NECAB2: variants seen among roughly 807,000 people sequenced by gnomAD.
NECAB2 encodes the protein N-terminal EF-hand calcium binding protein 2.
In NECAB2, 68 loss-of-function variants were observed where a neutral mutation model predicts 51.9. The ratio of observed to expected loss-of-function variants is 1.31; its 90% CI spans 1.08 to 1.60. The LOEUF (loss-of-function observed/expected upper bound fraction) is 1.60. Among genes scored for constraint, NECAB2 ranks in the 40% most tolerant of loss-of-function variants. The probability of loss-of-function intolerance (pLI) is 0.00; values close to 1 mark genes in which losing one functional copy is unlikely to be tolerated. For missense variants in NECAB2, 854 were observed against 490.3 expected (o/e 1.74, Z -7.00); for synonymous variants, 329 against 203.5 (o/e 1.62, Z -5.25).
At chr16:83,999,904 C>G (rs1055874701) in intron 10 of NECAB2, among the ~76,000 whole-genome samples, 7 of 135,652 alleles carry the variant, frequency 5.2e-5, no homozygotes, top group African/African-American at 2.3e-4. Context: ...TTTTTGAGAC[C>G]AAATCTTGCT....
At chr16:83,980,462 A>C (rs9925420) in intron 3 of NECAB2, among the ~76,000 whole-genome samples, 43,454 of 151,820 alleles carry the variant, frequency 0.29, 11,170 homozygotes, top group African/African-American at 0.7. Flanking sequence ...GGCAGGGTCG[A>C]CTGGGGGTGG....
Position 83,994,329 on chromosome 16 carries a change from C to G in NECAB2, c.624C>G (p.Ser208Arg), listed in dbSNP as rs376260533. 6.8e-6 allele frequency: 11 copies of G among 1,614,100 alleles called. No individual in the cohort carries two copies. The African/African-American group carries it at 1.2e-4, about 18-fold the overall frequency. Reference protein sequence around the residue: ...LRQNHIKPSHSAAQTWCGSPT... With the variant: ...LRQNHIKPSHRAAQTWCGSPT... ...AGAACCACATCAAACCCAGCCACAG[C>G]GCGGCACAGACCTGGTGTGGAAGCC... Residue 208 changes from serine (S) to arginine (R), a missense_variant, in exon 7 of 13, where the codon AGC (serine) becomes AGG (arginine). Physicochemically the swap from Ser to Arg is moderately radical, Grantham distance 110. Coordinates refer to ENST00000305202, the MANE Select transcript of NECAB2 (RefSeq NM_019065.3).
At chr16:83,977,708 A>G (rs953455119) in intron 2 of NECAB2, among the ~76,000 whole-genome samples, 2 of 152,144 alleles carry the variant, frequency 1.3e-5, no homozygotes, top group Middle Eastern at 3.2e-3. Flanking sequence ...AGATGGCTGC[A>G]TCTGTGGCCT....
At chr16:83,976,915 C>G (rs1019326474) in intron 2 of NECAB2, among the ~76,000 whole-genome samples, 1 of 152,242 alleles carries the variant, frequency 6.6e-6, no homozygotes, top group East Asian at 1.9e-4. Context: ...AGCACTGGAG[C>G]CTTTAAAGTT....
At chr16:83,989,772 G>C (rs1344001930) in intron 5 of NECAB2, among the ~76,000 whole-genome samples, 2 of 152,214 alleles carry the variant, frequency 1.3e-5, no homozygotes, top group African/African-American at 4.8e-5. Context: ...TCTCAGGACA[G>C]AGGTGGAAAT....
In NECAB2 at chr16:83,996,624, G is replaced by C. The variant is rs535669931; in HGVS notation, c.796-592G>C. 3.3e-5 allele frequency among the ~76,000 whole-genome samples: 5 copies of C among 152,220 alleles called. No homozygotes were observed. The East Asian group carries it at 9.7e-4, about 29-fold the overall frequency. ...GTAGACACACTGGGTTCAGACCCACGCTCTGACACTTACATGGCTTTCGTG... is the reference window on the plus strand; with the variant it reads ...GTAGACACACTGGGTTCAGACCCACCCTCTGACACTTACATGGCTTTCGTG... On this transcript the variant is annotated intron_variant, in intron 8 of 12. Transcript: ENST00000305202.
At chr16:83,990,187 C>A (rs1055214630) in intron 5 of NECAB2, among the ~76,000 whole-genome samples, 6 of 152,196 alleles carry the variant, frequency 3.9e-5, no homozygotes, top group Non-Finnish European at 5.9e-5. Flanking sequence ...ATTGTACACG[C>A]ATGTTGCTGT....
At chr16:83,989,381 CCCT>C (rs1485220097) in intron 5 of NECAB2, among the ~76,000 whole-genome samples, 1 of 152,188 alleles carries the variant, frequency 6.6e-6, no homozygotes, top group Non-Finnish European at 1.5e-5. Flanking sequence ...TCTCATGTGC[CCCT>C]CCTCCTCCTC....
At position 84,002,409 on chromosome 16, in the gene NECAB2, T is replaced by C; in HGVS notation, c.*63T>C. The stretch of plus-strand genomic sequence containing the variant: ...CTTCTTCTTGTGAAGGAAATCCCGT[T>C]TTTTTCTAGACAGACACTTTGGTGC... On this transcript the variant is annotated 3_prime_UTR_variant, in exon 13 of 13. Coordinates refer to ENST00000305202, the MANE Select transcript of NECAB2 (RefSeq NM_019065.3). 1.4e-6 allele frequency: 2 copies of C among 1,462,230 alleles called. No homozygotes were observed. The highest frequency in any genetic ancestry group is 2.4e-5 in the South Asian group (2 of 83,922). 90.6% of individuals were successfully genotyped at this position (1,462,230 alleles called of 1,614,324 possible). A position where few individuals can be genotyped will look rare whatever the true frequency, so the allele number is the denominator to read the frequency against.
At position 83,969,377 on chromosome 16, in the gene NECAB2, T is replaced by A. The variant is rs550095371; in HGVS notation, c.201+528T>A. ...GCCCCAGCTACTGCCACTTTAAAAG[T>A]GAAGCCCCCTCCCCACCTTCTGTCT... On this transcript the variant is annotated intron_variant, in intron 1 of 12. Coordinates refer to ENST00000305202, the MANE Select transcript of NECAB2 (RefSeq NM_019065.3). 2.0e-5 allele frequency among the ~76,000 whole-genome samples: 3 copies of A among 151,984 alleles called. No homozygotes were observed. The South Asian group carries it at 6.2e-4, about 32-fold the overall frequency.
chr16:84,000,849 G>A (rs752715395), intron 11 of NECAB2, 48 bp downstream of exon 11: 11 of 1,585,142 alleles, frequency 6.9e-6, no homozygotes, highest in Admixed American at 6.7e-5. Flanking sequence ...GAGGGAAGTG[G>A]GGGGGCTGTC....
At chr16:83,997,635 G>T (rs1286037768) in intron 9 of NECAB2, among the ~76,000 whole-genome samples, 2 of 151,766 alleles carry the variant, frequency 1.3e-5, no homozygotes, top group African/African-American at 2.4e-5. Context: ...TTACAGGTGT[G>T]TGCCACCACG....
chr16:84,002,763 C>G lies in NECAB2; in HGVS notation c.*417C>G, dbSNP rs538900508. ...CACTGTGCCCAGGCGCCAAATAAAC[C>G]CTGGTTGGGAAGAGCTGTGTGCTCT... On this transcript the variant is annotated 3_prime_UTR_variant, in exon 13 of 13. Transcript: ENST00000305202. 4.7e-6 allele frequency: 1 copy of G among 213,396 alleles called. No individual in the cohort carries two copies. Among genetic ancestry groups the G allele is most frequent in the Admixed American group, 5.0e-5 (1 of 19,936 alleles). 13.2% of individuals were successfully genotyped at this position (213,396 alleles called of 1,614,324 possible).
Position 84,000,727 on chromosome 16 carries a change from C to A in NECAB2, c.966C>A (p.Ile322=). ...GTTGVRNCFH[I]TAVRLSDGFT... is the part of the protein sequence containing the mutation. ...CCCCGACCATCTCCTGTTGCAGCATCACTGCCGTGAGGCTCTCAGATGGCT... is the reference window on the plus strand; with the variant it reads ...CCCCGACCATCTCCTGTTGCAGCATAACTGCCGTGAGGCTCTCAGATGGCT... Residue 322 remains isoleucine, a synonymous_variant, in exon 11 of 13, where the codon ATC becomes ATA. Coordinates refer to ENST00000305202, the MANE Select transcript of NECAB2 (RefSeq NM_019065.3). 1.2e-6 allele frequency: 2 copies of A among 1,613,834 alleles called. No individual in the cohort carries two copies. Among genetic ancestry groups the A allele is most frequent in the Non-Finnish European group, 1.7e-6 (2 of 1,179,948 alleles).
intron 5 of NECAB2, among the ~76,000 whole-genome samples, chr16:83,983,825 G>C (rs2084518071): frequency 6.6e-6 from 1 of 152,080 alleles, no homozygotes; most frequent in Non-Finnish European, 1.5e-5. Context: ...GTATGAATCA[G>C]CTTCTCTAAC....
In NECAB2 at chr16:84,001,708, A is replaced by AT. The variant is rs1567682127; in HGVS notation, c.1041-117_1041-116insT. 6 of 1,059,836 alleles carry AT rather than the reference A, an allele frequency of 5.7e-6. No individual in the cohort carries two copies. The African/African-American group carries it at 9.9e-5, about 17-fold the overall frequency. 65.7% of individuals were successfully genotyped at this position (1,059,836 alleles called of 1,614,324 possible). ...TCCCACAAAGGCTCTGAGTCCAAAG[A>AT]CCCCCCGTGCTTATTGATAAGCTCC... On this transcript the variant is annotated intron_variant, in intron 11 of 12. Transcript: ENST00000305202.
intron 2 of NECAB2, among the ~76,000 whole-genome samples, chr16:83,973,871 G>A: frequency 6.6e-6 from 1 of 152,126 alleles, no homozygotes; most frequent in Admixed American, 6.5e-5. Context: ...CCATGGCTGT[G>A]CATCCCGAGT....
chr16:83,988,546 T>C (rs570031247), intron 5 of NECAB2, among the ~76,000 whole-genome samples: 2 of 152,352 alleles, frequency 1.3e-5, no homozygotes, highest in African/African-American at 4.8e-5. Flanking sequence ...TTTCCTAACC[T>C]CTGTAACCTG....
At chr16:83,967,875 T>C (rs1469660154), upstream of NECAB2, among the ~76,000 whole-genome samples, 2 of 136,056 alleles carry the variant, frequency 1.5e-5, no homozygotes, top group African/African-American at 2.8e-5. Flanking sequence ...GATGAATGGT[T>C]GGGAGGGTGG....
Sources: allele counts gnomAD v4.1 joint callset (sites outside exome capture counted in the v4.1 genomes callset), GRCh38; gene constraint gnomAD v4.1.1; transcripts MANE v1.5; gene names NCBI Gene and HGNC (gene_info 2026-07-23, HGNC 2026-07-21).